Variants in SGSH observed in about 807,000 individuals in gnomAD.
The protein encoded by SGSH is heparan sulfate sulfatase.
SGSH carries 48 observed loss-of-function variants against 51.0 expected under a neutral mutation model. That is an observed-to-expected ratio of 0.94 (90% CI 0.75 to 1.20). The LOEUF (loss-of-function observed/expected upper bound fraction) is 1.20, where lower values mean the gene tolerates loss of function less well. Among genes scored for constraint, SGSH ranks in the 50% most tolerant of loss-of-function variants. SGSH has a pLI of 0.00. For synonymous variants in SGSH, 321 were observed against 313.4 expected (o/e 1.02, Z -0.26); for missense variants, 662 against 717.8 (o/e 0.92, Z 0.89).
At chr17:80,211,141 C>G in intron 7 of SGSH, 130 bp from the exon 8 acceptor site, 1 of 1,524,142 alleles carries the variant, frequency 6.6e-7, no homozygotes, top group Non-Finnish European at 8.8e-7. Context: ...GGTGCCTTGT[C>G]GAGCCGACAC....
At chr17:80,205,209 T>C (rs146678380), downstream of SGSH, 4,156 of 1,608,286 alleles carry the variant, frequency 2.6e-3, 10 homozygotes, top group Non-Finnish European at 3.1e-3. Context: ...CTGGCAGGTA[T>C]GCTGTTGCCT....
chr17:80,205,704 G>C (rs751850543), downstream of SGSH: 6 of 1,486,472 alleles, frequency 4.0e-6, no homozygotes, highest in African/African-American at 2.8e-5. Flanking sequence ...AGGGTTTCAG[G>C]AATGCAGAGG....
In SGSH at chr17:80,217,037, G is replaced by A. The variant is rs1385318543; in HGVS notation, c.244C>T (p.Pro82Ser). The A allele has an allele frequency of 1.3e-6, 2 of 1,572,326 alleles. No individual in the cohort carries two copies. Among genetic ancestry groups the A allele is most frequent in the African/African-American group, 1.3e-5 (1 of 74,604 alleles). Residue 82 changes from proline to serine, a missense_variant, in exon 2 of 8, where the codon CCC becomes TCC. Transcript: ENST00000326317. ...TCCCGCCCCTTGCACCTCACCTGGG[G>A]CAGGCCAGTGAGGAGGCTGGCGCGG... is the stretch of plus-strand genomic sequence containing the variant. ...PSRASLLTGLPQHQNGMYGLH... is the reference protein window; with the variant it reads ...PSRASLLTGLSQHQNGMYGLH...
In SGSH at chr17:80,213,549, C is replaced by A; in HGVS notation, c.745+255G>T. On this transcript the variant is annotated intron_variant, in intron 6 of 7. Coordinates refer to ENST00000326317, the MANE Select transcript of SGSH (RefSeq NM_000199.5). This position sits in a 1 kb window ranked among gnomAD's most constrained non-coding sequence, Gnocchi z 4.6. Reference sequence around the variant, plus strand: ...ACCCAGGTCCTGTGACTGGAAATATCTGAAGTCTTCACGCAACCTCTGGGG... The same window carrying A: ...ACCCAGGTCCTGTGACTGGAAATATATGAAGTCTTCACGCAACCTCTGGGG... 1.7e-6 allele frequency: 1 copy of A among 575,302 alleles called. No homozygotes were observed. Among genetic ancestry groups the A allele is most frequent in the Non-Finnish European group, 3.1e-6 (1 of 321,600 alleles). 35.6% of individuals were successfully genotyped at this position (575,302 alleles called of 1,614,324 possible).
At chr17:80,217,741 A>T (rs2041946496) in intron 1 of SGSH, among the ~76,000 whole-genome samples, 1 of 149,376 alleles carries the variant, frequency 6.7e-6, no homozygotes. Flanking sequence ...ACCAGTGGGT[A>T]TGTTAGCAGG....
Position 80,210,848 on chromosome 17 carries a change from G to A in SGSH, c.1113C>T (p.Thr371=), listed in dbSNP as rs1173408491. ...VFGSQSHHEV[T]MSYPMRSVQH... is the part of the protein sequence containing the mutation. ...GCACGGAGCGCATGGGGTAGGACAT[G>A]GTGACCTCGTGGTGGCTCTGGCTGC... is the stretch of plus-strand genomic sequence containing the variant. Residue 371 remains threonine (T), a synonymous_variant, in exon 8 of 8, where the codon ACC becomes ACT. Coordinates refer to ENST00000326317, the MANE Select transcript of SGSH (RefSeq NM_000199.5). 2 of 1,613,868 alleles carry A rather than the reference G, an allele frequency of 1.2e-6. No homozygotes were observed. The highest frequency in any genetic ancestry group is 2.2e-5 in the South Asian group (2 of 91,090).
Position 80,210,808 on chromosome 17 carries a change from G to A in SGSH, c.1153C>T (p.Arg385Cys), listed in dbSNP as rs374599600. The part of the protein sequence containing the change: ...PMRSVQHRHF[R>C]LVHNLNFKMP... The stretch of plus-strand genomic sequence containing the variant: ...TTGAAGTTGAGGTTGTGCACGAGGC[G>A]GAAGTGCCGGTGCTGCACGGAGCGC... The change falls in exon 8 of 8, where the codon CGC becomes TGC. Residue 385 changes from arginine (R) to cysteine (C), a missense_variant. Arg to Cys is a radical substitution (Grantham distance 180). Coordinates refer to ENST00000326317, the MANE Select transcript of SGSH (RefSeq NM_000199.5). 17 of 1,613,944 alleles carry A rather than the reference G, an allele frequency of 1.1e-5. No individual in the cohort carries two copies. The highest frequency in any genetic ancestry group is 6.7e-5 in the Admixed American group (4 of 60,004).
chr17:80,205,320 T>C (rs1297203269), downstream of SGSH: 1 of 975,028 alleles, frequency 1.0e-6, no homozygotes, highest in African/African-American at 1.7e-5. Flanking sequence ...ACCACGCACA[T>C]TCCCACACTC....
rs536015953 is a variant in SGSH, at chr17:80,214,377, G to A, written c.507-49C>T. On this transcript the variant is annotated intron_variant, in intron 4 of 7. Transcript: ENST00000326317. ...CAAGGCTGCGGGGCCACTGCCACGT[G>A]GCACAGGAAGCCCCTCGGCTCTGCC... The A allele has an allele frequency of 2.1e-5, 33 of 1,593,026 alleles. No individual in the cohort carries two copies. The East Asian group carries it at 5.8e-4, about 28-fold the overall frequency.
At chr17:80,207,155 G>A, downstream of SGSH, 2 of 1,134,868 alleles carry the variant, frequency 1.8e-6, no homozygotes, top group East Asian at 2.4e-5. Flanking sequence ...CCCACGGCAG[G>A]TGCCTCTGGA....
downstream of SGSH, chr17:80,208,529 T>A (rs991632566): frequency 3.7e-6 from 2 of 536,778 alleles, no homozygotes; most frequent in Non-Finnish European, 3.3e-6. Flanking sequence ...TGAAGCCACT[T>A]GTAACTGCAC....
rs2041614930 is a variant in SGSH at position 80,210,798 on chromosome 17, T to C, written c.1163A>G (p.His388Arg). ...SVQHRHFRLV[H>R]NLNFKMPFPI... ...AAAGGGCATCTTGAAGTTGAGGTTG[T>C]GCACGAGGCGGAAGTGCCGGTGCTG... is the stretch of plus-strand genomic sequence containing the variant. The change falls in exon 8 of 8, where the codon CAC (histidine) becomes CGC (arginine). Residue 388 changes from histidine to arginine, a missense_variant. Transcript: ENST00000326317. 1.2e-6 allele frequency: 2 copies of C among 1,613,928 alleles called. No homozygotes were observed. Among genetic ancestry groups the C allele is most frequent in the African/African-American group, 2.7e-5 (2 of 74,916 alleles).
rs2144747927 is a variant in SGSH at position 80,214,603 on chromosome 17, C to T, written c.506+12G>A. The T allele has an allele frequency of 6.2e-7, 1 of 1,610,988 alleles. No homozygotes were observed. The highest frequency in any genetic ancestry group is 8.5e-7 in the Non-Finnish European group (1 of 1,178,982). On this transcript the variant is annotated intron_variant, in intron 4 of 7. Transcript: ENST00000326317. ...GCCGCCAGGGGGAAGGGGCAGGGGC[C>T]CCGACTCATACCGGTCATCCTGAGT...
chr17:80,214,377 G>T, intron 4 of SGSH, 49 bp from the exon 5 acceptor site: 2 of 1,593,026 alleles, frequency 1.3e-6, no homozygotes, highest in South Asian at 1.1e-5. Context: ...ACTGCCACGT[G>T]GCACAGGAAG....
At chr17:80,208,452 T>C, downstream of SGSH, 3 of 1,054,774 alleles carry the variant, frequency 2.8e-6, no homozygotes, top group East Asian at 2.6e-5. Context: ...CCTTGGCACA[T>C]GAGGCCGGCT....
rs745996666 is a variant in SGSH, at chr17:80,214,742, C to G, written c.379G>C (p.Gly127Arg). The change falls in exon 4 of 8, where the codon GGG (glycine) becomes CGG (arginine). Residue 127 changes from glycine to arginine, a missense_variant. Gly to Arg is a moderately radical substitution (Grantham distance 125). Transcript: ENST00000326317. Reference protein sequence around the residue: ...RTGIIGKKHVGPETVYPFDFA... With the variant: ...RTGIIGKKHVRPETVYPFDFA... ...TCAAACGGGTACACGGTCTCCGGCC[C>G]CACGTGCTTCTTCCCGATGATGCCT... 2 of 1,612,560 alleles carry G rather than the reference C, an allele frequency of 1.2e-6. No homozygotes were observed. The highest frequency in any genetic ancestry group is 1.7e-6 in the Non-Finnish European group (2 of 1,180,034).
At chr17:80,206,309 A>AAAAAAAATTT (rs2041304069), downstream of SGSH, among the ~76,000 whole-genome samples, 1 of 50,544 alleles carries the variant, frequency 2.0e-5, no homozygotes, top group Non-Finnish European at 6.3e-5. Context: ...AAAAAAAATT[A>AAAAAAAATTT]AAAAATAAAA....
intron 7 of SGSH, 50 bp from the exon 8 acceptor site, chr17:80,211,061 G>A: frequency 1.9e-6 from 3 of 1,594,892 alleles, no homozygotes; most frequent in Non-Finnish European, 2.5e-6. Context: ...GCACACAGGA[G>A]CTGCCCTCGG....
rs750703099 is a variant in SGSH, at chr17:80,211,526, G to A, written c.950-515C>T. 19 of 262,460 alleles carry A rather than the reference G, an allele frequency of 7.2e-5. 1 individual carries two copies. The highest frequency in any genetic ancestry group is 2.6e-4 in the South Asian group (6 of 22,982). 16.3% of individuals were successfully genotyped at this position (262,460 alleles called of 1,614,324 possible). On this transcript the variant is annotated intron_variant, in intron 7 of 7. Coordinates refer to ENST00000326317, the MANE Select transcript of SGSH (RefSeq NM_000199.5). ...CCCCTCACAAAGTCTTCCTGCACCC[G>A]TGTCTTTGTCTGCACATCCATAACA...
Sources: allele counts gnomAD v4.1 joint callset (sites outside exome capture counted in the v4.1 genomes callset), GRCh38; gene constraint gnomAD v4.1.1; non-coding constraint Gnocchi (gnomAD v3.1); transcripts MANE v1.5; gene names NCBI Gene and HGNC (gene_info 2026-07-23, HGNC 2026-07-21).